The following GRM5 variants were observed in gnomAD, a reference collection of about 807,000 sequenced individuals.
GRM5 encodes the protein metabotropic glutamate receptor 5.
Under a neutral mutation model 83.1 loss-of-function variants are expected in GRM5, and 19 were observed. That is an observed-to-expected ratio of 0.23 (90% CI 0.16 to 0.34). The LOEUF is 0.34. GRM5 is among the 10% of genes least tolerant of loss of function. The pLI, the probability that GRM5 is intolerant of heterozygous loss-of-function variation, is 1.00. For synonymous variants in GRM5, 675 were observed against 633.6 expected, an observed-to-expected ratio of 1.07 and a Z score of -0.98; for missense variants, 1,160 against 1,588.3, an observed-to-expected ratio of 0.73 and a Z score of 4.58.
rs188841013 is a variant in GRM5 at position 89,030,458 on chromosome 11, G to T, written c.661+16754C>A. Among the ~76,000 whole-genome samples the T allele has an allele frequency of 8.5e-5, 13 of 152,114 alleles. No homozygotes were observed. The East Asian group carries it at 2.5e-3, about 29-fold the overall frequency. On this transcript the variant is annotated intron_variant, in intron 2 of 9. Coordinates refer to ENST00000305447, the MANE Select transcript of GRM5 (RefSeq NM_001143831.3). ...AGGCCATGTGAGGTTGACTTTCTCC[G>T]GGAGCACTTTGATAAATACGTTCTT...
chr11:88,999,917 G>C lies in GRM5; in HGVS notation c.661+47295C>G, dbSNP rs1940314440. Among the ~76,000 whole-genome samples the C allele has an allele frequency of 2.0e-5, 3 of 152,202 alleles. No homozygotes were observed. The South Asian group carries it at 6.2e-4, about 32-fold the overall frequency. ...GGAATACTATGCAGCCATAAAAAAT[G>C]ATGAGTTCATGTCCTTTGTAGGGAC... On this transcript the variant is annotated intron_variant, in intron 2 of 9. Coordinates refer to ENST00000305447, the MANE Select transcript of GRM5 (RefSeq NM_001143831.3).
chr11:88,741,806 G>T (rs1337199323), intron 3 of GRM5, among the ~76,000 whole-genome samples: 2 of 152,018 alleles, frequency 1.3e-5, no homozygotes, highest in Non-Finnish European at 2.9e-5. Flanking sequence ...AGTTCTGGTG[G>T]TGTGTGTGGG....
At chr11:88,617,491 T>C (rs1426933573) in intron 4 of GRM5, among the ~76,000 whole-genome samples, 1 of 152,092 alleles carries the variant, frequency 6.6e-6, no homozygotes, top group East Asian at 1.9e-4. Context: ...CAGAAAAAGC[T>C]CCAACAGAAG....
At chr11:88,931,457 C>G (rs1172411627) in intron 2 of GRM5, among the ~76,000 whole-genome samples, 2 of 149,082 alleles carry the variant, frequency 1.3e-5, no homozygotes, top group East Asian at 4.0e-4. Context: ...AAAAAATCAT[C>G]CTAATTAGAG....
intron 2 of GRM5, among the ~76,000 whole-genome samples, chr11:88,988,815 G>C (rs1939844634): frequency 7.0e-6 from 1 of 143,404 alleles, no homozygotes; most frequent in African/African-American, 2.6e-5. Context: ...AATGCTGAGA[G>C]ACTTTGTCAC....
Position 88,880,120 on chromosome 11 carries a change from CT to C in GRM5, c.662-29966del, listed in dbSNP as rs555504484. 1.8e-4 allele frequency among the ~76,000 whole-genome samples: 28 copies of C among 152,102 alleles called. No homozygotes were observed. In the East Asian group the frequency reaches 5.4e-3, roughly 29 times the overall value. The stretch of plus-strand genomic sequence containing the variant: ...AAGTCTTAGACAAGAATAGAAGCAT[CT>C]TTTGCTAGGCATGAAATAGACAGCA... On this transcript the variant is annotated intron_variant, in intron 2 of 9. Transcript: ENST00000305447.
chr11:88,524,934 G>GT (rs1941829343), intron 9 of GRM5, among the ~76,000 whole-genome samples: 3 of 152,142 alleles, frequency 2.0e-5, no homozygotes. Flanking sequence ...TCTAAGCTTT[G>GT]TATTTGTTTT....
intron 1 of GRM5, among the ~76,000 whole-genome samples, chr11:89,060,446 C>T (rs1270287577): frequency 2.0e-5 from 3 of 151,960 alleles, no homozygotes. Context: ...ATAAACTATG[C>T]ACTGTTCTTT....
At chr11:88,887,168 A>C (rs1207556903) in intron 2 of GRM5, among the ~76,000 whole-genome samples, 1 of 152,212 alleles carries the variant, frequency 6.6e-6, no homozygotes, top group Non-Finnish European at 1.5e-5. Flanking sequence ...GTCTTCTGGA[A>C]CCAAATGTTA....
rs541989208 is a variant in GRM5 at position 89,046,357 on chromosome 11, A to C, written c.661+855T>G. 9.2e-4 allele frequency among the ~76,000 whole-genome samples: 140 copies of C among 152,274 alleles called. 1 individual carries two copies. The highest frequency in any genetic ancestry group is 2.5e-3 in the South Asian group (12 of 4,824). On this transcript the variant is annotated intron_variant, in intron 2 of 9. Transcript: ENST00000305447. ...TTTTGTATCTTCTTCAGTATTCTAT[A>C]GTGTTTAATATACACATTTTTTTTT...
intron 3 of GRM5, among the ~76,000 whole-genome samples, chr11:88,816,538 CAAA>C (rs777360398): frequency 5.7e-5 from 4 of 69,918 alleles, no homozygotes; most frequent in Admixed American, 1.6e-4. Flanking sequence ...GACTCCATCT[CAAA>C]AAAAAAAAAA....
At chr11:88,697,956 T>G (rs1406353301) in intron 3 of GRM5, among the ~76,000 whole-genome samples, 3 of 152,196 alleles carry the variant, frequency 2.0e-5, no homozygotes, top group Admixed American at 2.0e-4. Flanking sequence ...TGCTGTCAAC[T>G]TTACTGACTA....
rs148961238 is a variant in GRM5, at chr11:88,755,633, C to A, written c.911+94273G>T. Among the ~76,000 whole-genome samples the A allele has an allele frequency of 6.3e-3, 957 of 152,166 alleles. 8 individuals carry two copies. The highest frequency in any genetic ancestry group is 0.01 in the Non-Finnish European group (709 of 67,990). ...AAATAATTTATGGAATTGTAGTATG[C>A]CTAAGCAGTTTTTGAGTTAGAGACA... On this transcript the variant is annotated intron_variant, in intron 3 of 9. Transcript: ENST00000305447.
chr11:88,599,270 C>A (rs1348803017), intron 5 of GRM5, among the ~76,000 whole-genome samples: 1 of 152,126 alleles, frequency 6.6e-6, no homozygotes, highest in African/African-American at 2.4e-5. Flanking sequence ...TGACAGGGAA[C>A]TTGTTTTAAG....
intron 1 of GRM5, among the ~76,000 whole-genome samples, chr11:89,048,454 T>C (rs2135152737): frequency 6.6e-6 from 1 of 152,344 alleles, no homozygotes; most frequent in African/African-American, 2.4e-5. Context: ...ATTGGTGATC[T>C]CTTGGTAATG....
chr11:88,671,184 C>T (rs1367472566), intron 3 of GRM5, among the ~76,000 whole-genome samples: 1 of 151,728 alleles, frequency 6.6e-6, no homozygotes, highest in Non-Finnish European at 1.5e-5. Context: ...CAAGCAGAGA[C>T]ATGCTAGACC....
chr11:88,735,779 C>T (rs1233280515), intron 3 of GRM5, among the ~76,000 whole-genome samples: 3 of 151,998 alleles, frequency 2.0e-5, no homozygotes, highest in African/African-American at 4.8e-5. Context: ...TCAGACCGTT[C>T]GGGAGACATT....
intron 3 of GRM5, among the ~76,000 whole-genome samples, chr11:88,790,521 A>T (rs1388403516): frequency 6.6e-6 from 1 of 152,140 alleles, no homozygotes; most frequent in Non-Finnish European, 1.5e-5. Context: ...GAAGCAGGAA[A>T]CTCTTCTTTT....
intron 2 of GRM5, among the ~76,000 whole-genome samples, chr11:89,045,094 G>T (rs2135147540): frequency 6.6e-6 from 1 of 152,240 alleles, no homozygotes; most frequent in East Asian, 1.9e-4. Flanking sequence ...AAGCAAACGA[G>T]TATTTCTTCC....
Sources: allele counts gnomAD v4.1 joint callset (sites outside exome capture counted in the v4.1 genomes callset), GRCh38; gene constraint gnomAD v4.1.1; transcripts MANE v1.5; gene names NCBI Gene and HGNC (gene_info 2026-07-23, HGNC 2026-07-21).